The following CSF2RA variants were observed in gnomAD, a reference collection of about 807,000 sequenced individuals.
CSF2RA encodes granulocyte-macrophage colony-stimulating factor receptor subunit alpha.
CSF2RA carries 42 observed loss-of-function variants against 51.6 expected under a neutral mutation model. That is an observed-to-expected ratio of 0.81 (90% CI 0.64 to 1.05). The LOEUF is 1.05. CSF2RA is among the 50% of genes least tolerant of loss of function. The pLI is 0.00. For missense variants in CSF2RA, 530 were observed against 501.1 expected (o/e 1.06, Z -0.55); for synonymous variants, 222 against 193.0 (o/e 1.15, Z -1.24).
intron 10 of CSF2RA, among the ~76,000 whole-genome samples, chrX:1,302,527 C>T (rs1354512050): frequency 5.9e-5 from 9 of 151,968 alleles, no homozygotes; most frequent in Admixed American, 1.3e-4. Context: ...TTATTTGAGA[C>T]GGACTCTCGC....
At chrX:1,269,530 G>A (rs1405623250) in intron 1 of CSF2RA, among the ~76,000 whole-genome samples, 3 of 152,022 alleles carry the variant, frequency 2.0e-5, no homozygotes, top group Non-Finnish European at 4.4e-5. Flanking sequence ...GGCTGAGGCA[G>A]GAGAATCGTT....
intron 11 of CSF2RA, among the ~76,000 whole-genome samples, chrX:1,304,994 A>AT (rs1185296336): frequency 3.1e-4 from 41 of 133,104 alleles, no homozygotes; most frequent in Middle Eastern, 4.6e-3. Context: ...TCATTTGGTG[A>AT]TTTTTTTTTG....
At chrX:1,273,234 C>T (rs766204006) in intron 1 of CSF2RA, among the ~76,000 whole-genome samples, 23 of 152,044 alleles carry the variant, frequency 1.5e-4, no homozygotes, top group African/African-American at 5.1e-4. Flanking sequence ...TCGTGACTTA[C>T]TTTCCAACCT....
chrX:1,320,664 ATTTTTTTTTT>A, the CSF2RA span, among the ~76,000 whole-genome samples: 1 of 123,382 alleles, frequency 8.1e-6, no homozygotes, highest in Non-Finnish European at 1.7e-5. Flanking sequence ...TGCCCAGCTA[ATTTTTTTTTT>A]TTTTTTTTTT....
intron 2 of CSF2RA, among the ~76,000 whole-genome samples, chrX:1,277,084 G>A (rs2089277593): frequency 6.6e-6 from 1 of 151,484 alleles, no homozygotes; most frequent in African/African-American, 2.4e-5. Flanking sequence ...GGGAGACAGA[G>A]CGAGGCTCCG....
chrX:1,304,101 T>C, intron 11 of CSF2RA, 82 bp downstream of exon 11: 1 of 1,219,862 alleles, frequency 8.2e-7, no homozygotes, highest in South Asian at 1.2e-5. Context: ...TCTGTCTCTG[T>C]CTCTGAGAAA....
chrX:1,269,024 C>A, intron 1 of CSF2RA, 145 bp downstream of exon 1: 1 of 382,546 alleles, frequency 2.6e-6, no homozygotes, highest in Non-Finnish European at 5.3e-6. Context: ...GTGGGGACAG[C>A]GGCCCAGAAG....
At chrX:1,295,532 C>T in intron 9 of CSF2RA, 76 bp downstream of exon 9, 1 of 1,281,316 alleles carries the variant, frequency 7.8e-7, no homozygotes. Context: ...CCTAGTGTAA[C>T]TCTACAGTCC....
chrX:1,314,475 TGCACCTACCCAACCCCA>T (rs2084387727), downstream of CSF2RA, among the ~76,000 whole-genome samples: 3 of 142,224 alleles, frequency 2.1e-5, no homozygotes, highest in African/African-American at 8.4e-5. Context: ...CCAACCCCAA[TGCACCTACCCAACCCCA>T]CTGTGCCTGC....
chrX:1,290,193 GTTTTT>G, intron 6 of CSF2RA, 139 bp from the exon 7 acceptor site: 4 of 601,508 alleles, frequency 6.6e-6, no homozygotes, highest in Non-Finnish European at 8.5e-6. Flanking sequence ...GTTTTTGTGG[GTTTTT>G]TTTGTTTTGT....
chrX:1,290,471 T>A lies in CSF2RA; in HGVS notation c.608T>A (p.Ile203Asn). Residue 203 changes from isoleucine (I) to asparagine (N), a missense_variant, in exon 7 of 13, where the codon ATC (isoleucine) becomes AAC (asparagine). Ile to Asn is a moderately radical substitution (Grantham distance 149). Coordinates refer to ENST00000381529, the MANE Select transcript of CSF2RA (RefSeq NM_172245.4). ...AACGGAACCAGCCGAGAAATTGGCATCCAATTCTTTGATTCACTTTTGGAC... is the reference window on the plus strand; with the variant it reads ...AACGGAACCAGCCGAGAAATTGGCAACCAATTCTTTGATTCACTTTTGGAC... ...LVNGTSREIGIQFFDSLLDTK... is the reference protein window; with the variant it reads ...LVNGTSREIGNQFFDSLLDTK... The A allele has an allele frequency of 6.2e-7, 1 of 1,613,890 alleles. No individual in the cohort carries two copies. Among genetic ancestry groups the A allele is most frequent in the South Asian group, 1.1e-5 (1 of 91,084 alleles).
intron 3 of CSF2RA, among the ~76,000 whole-genome samples, chrX:1,283,656 C>T (rs1359939001): frequency 6.6e-6 from 1 of 151,526 alleles, no homozygotes; most frequent in Non-Finnish European, 1.5e-5. Context: ...CAAACTCAGC[C>T]TCCCGGGTTC....
chrX:1,318,712 TC>T, the CSF2RA span, among the ~76,000 whole-genome samples: 1 of 151,114 alleles, frequency 6.6e-6, no homozygotes, highest in East Asian at 2.1e-4. Context: ...GGTCAGGAGA[TC>T]GAGACCCTCC....
At chrX:1,305,693 G>C in intron 12 of CSF2RA, 166 bp downstream of exon 12, 1 of 1,565,440 alleles carries the variant, frequency 6.4e-7, no homozygotes, top group South Asian at 1.2e-5. Context: ...CTTCTCCCGG[G>C]TCGGGGTCTT....
chrX:1,317,246 C>CT, the CSF2RA span, among the ~76,000 whole-genome samples: 13,107 of 57,208 alleles, frequency 0.23, 2,776 homozygotes, highest in Middle Eastern at 0.34. Context: ...CCACGCTCAG[C>CT]TTTTTTTTTT....
In CSF2RA at chrX:1,295,509, C is replaced by T. The variant is rs766431161; in HGVS notation, c.810+53C>T. ...AACCCTCAGCGTAACCCTACGGTCC[C>T]CTACTCACCACACCTAGTGTAACTC... is the stretch of plus-strand genomic sequence containing the variant. On this transcript the variant is annotated intron_variant, in intron 9 of 12. Coordinates refer to ENST00000381529, the MANE Select transcript of CSF2RA (RefSeq NM_172245.4). 4.6e-6 allele frequency: 7 copies of T among 1,538,336 alleles called. No homozygotes were observed. In the East Asian group the frequency reaches 1.2e-4, roughly 26 times the overall value.
chrX:1,295,349 G>A (rs1390424065), intron 8 of CSF2RA, 78 bp from the exon 9 acceptor site: 1 of 1,571,248 alleles, frequency 6.4e-7, no homozygotes, highest in African/African-American at 1.4e-5. Flanking sequence ...CACACCAGGG[G>A]AGACACTGTG....
intron 3 of CSF2RA, among the ~76,000 whole-genome samples, chrX:1,284,056 CT>C (rs1332018689): frequency 6.6e-6 from 1 of 152,064 alleles, no homozygotes; most frequent in African/African-American, 2.4e-5. Context: ...CTTTCTGTTT[CT>C]GCAATTTTCT....
intron 7 of CSF2RA, 119 bp from the exon 8 acceptor site, chrX:1,294,209 C>A (rs2091695027): frequency 2.8e-5 from 35 of 1,264,948 alleles, no homozygotes; most frequent in Non-Finnish European, 3.8e-5. Context: ...TAGACAGGAC[C>A]TACTCCACCT....
Sources: allele counts gnomAD v4.1 joint callset (sites outside exome capture counted in the v4.1 genomes callset), GRCh38; gene constraint gnomAD v4.1.1; transcripts MANE v1.5; gene names NCBI Gene and HGNC (gene_info 2026-07-23, HGNC 2026-07-21).